Variants in IL12RB1 observed in about 807,000 individuals in gnomAD.
The protein encoded by IL12RB1 is interleukin 12 receptor subunit beta 1, also known as interleukin-12 receptor subunit beta-1.
Under a neutral mutation model 94.4 loss-of-function variants are expected in IL12RB1, and 64 were observed. The observed-to-expected ratio is 0.68, with a 90% CI of 0.55 to 0.83. The LOEUF (loss-of-function observed/expected upper bound fraction) is 0.83, where lower values mean the gene tolerates loss of function less well. IL12RB1 is among the 40% of genes least tolerant of loss of function. The pLI is 0.00. For missense variants in IL12RB1, 814 were observed against 855.6 expected, an observed-to-expected ratio of 0.95 and a Z score of 0.61; for synonymous variants, 362 against 355.5, an observed-to-expected ratio of 1.02 and a Z score of -0.21.
At position 18,060,089 on chromosome 19, in the gene IL12RB1, C is replaced by T; in HGVS notation, c.1792-4G>A. On this transcript the variant is annotated splice_polypyrimidine_tract_variant and splice_region_variant and intron_variant, in intron 15 of 16. Coordinates refer to ENST00000593993, the MANE Select transcript of IL12RB1 (RefSeq NM_005535.3). Reference sequence around the variant, plus strand: ...CTGGGTTGATCCACTGCCAAGTCTGCAGAGGGAGGGTAGGGCCACAGCTGT... The same window carrying T: ...CTGGGTTGATCCACTGCCAAGTCTGTAGAGGGAGGGTAGGGCCACAGCTGT... The T allele has an allele frequency of 6.4e-7, 1 of 1,566,896 alleles. No homozygotes were observed. The highest frequency in any genetic ancestry group is 2.2e-5 in the East Asian group (1 of 44,560).
rs1467234937 is a variant in IL12RB1, at chr19:18,080,212, C to T, written c.409+620G>A. 3.3e-5 allele frequency among the ~76,000 whole-genome samples: 5 copies of T among 151,966 alleles called. No homozygotes were observed. The East Asian group carries it at 7.8e-4, about 24-fold the overall frequency. ...CTGGGATTGCAGGCATGCACCACCACACCAGGCAAATTTTTTTGGCTTTTT... is the reference window on the plus strand; with the variant it reads ...CTGGGATTGCAGGCATGCACCACCATACCAGGCAAATTTTTTTGGCTTTTT... On this transcript the variant is annotated intron_variant, in intron 4 of 16. Transcript: ENST00000593993.
intron 6 of IL12RB1, among the ~76,000 whole-genome samples, chr19:18,076,092 G>T (rs957139961): frequency 6.6e-6 from 1 of 152,058 alleles, no homozygotes; most frequent in African/African-American, 2.4e-5. Context: ...CCATCCCTTC[G>T]GTCGTGACCT....
rs1320664422 is a variant in IL12RB1, at chr19:18,059,987, C to T, written c.1890G>A (p.Glu630=). ...CAGGTAGCTCTGTCTTCTCGAGAGG[C>T]TCAGTCCTCTCGCCTTTGTCCCAGG... ...EMSWDKGERT[E]PLEKTELPEG... The change falls in exon 16 of 17, where the codon GAG becomes GAA. Residue 630 remains glutamate, a synonymous_variant. Coordinates refer to ENST00000593993, the MANE Select transcript of IL12RB1 (RefSeq NM_005535.3). The T allele has an allele frequency of 1.1e-5, 17 of 1,593,350 alleles. No individual in the cohort carries two copies. The highest frequency in any genetic ancestry group is 1.4e-5 in the Non-Finnish European group (16 of 1,164,662).
rs778409675 is a variant in IL12RB1 at position 18,080,934 on chromosome 19, C to G, written c.307G>C (p.Ala103Pro). The G allele has an allele frequency of 6.2e-7, 1 of 1,613,986 alleles. No homozygotes were observed. The highest frequency in any genetic ancestry group is 1.1e-5 in the South Asian group (1 of 91,070). ...ACAGTGTACAGCACAGACACCCCAG[C>G]CTGGTCGGAGAACTGCAGCCTGGTG... ...SATRLQFSDQ[A>P]GVSVLYTVTL... The change falls in exon 4 of 17, where the codon GCT (alanine) becomes CCT (proline). Residue 103 changes from alanine to proline, a missense_variant. Transcript: ENST00000593993.
chr19:18,059,319 T>G lies in IL12RB1; in HGVS notation c.*289A>C, dbSNP rs1476328574. On this transcript the variant is annotated 3_prime_UTR_variant, in exon 17 of 17. Coordinates refer to ENST00000593993, the MANE Select transcript of IL12RB1 (RefSeq NM_005535.3). ...GGATGCCCAGCCCAGGGTCCAGGGA[T>G]CCATCTGAGCCCCCCTTGCCCCCAT... 1.8e-6 allele frequency: 1 copy of G among 541,400 alleles called. No homozygotes were observed. Among genetic ancestry groups the G allele is most frequent in the Non-Finnish European group, 3.3e-6 (1 of 299,204 alleles). The allele number at this position is 541,400 out of a possible 1,614,324, so 33.5% of individuals were successfully genotyped here.
At chr19:18,093,984 A>G (rs2036763618) in intron 1 of IL12RB1, among the ~76,000 whole-genome samples, 1 of 152,218 alleles carries the variant, frequency 6.6e-6, no homozygotes, top group South Asian at 2.1e-4. Context: ...GTGTTGAAGG[A>G]TGCATAGGAG....
chr19:18,077,487 TCCACCCTGG>T lies in IL12RB1; in HGVS notation c.549+20_549+28del, dbSNP rs1409473843. ...TGAAGGTGCCCTGGAGAGGCCCGTGTCCACCCTGGACTTGGGAAACAAACTCACCAACTT... is the reference window on the plus strand; with the variant it reads ...TGAAGGTGCCCTGGAGAGGCCCGTGTACTTGGGAAACAAACTCACCAACTT... On this transcript the variant is annotated intron_variant, in intron 5 of 16. Transcript: ENST00000593993. 1 of 1,585,206 alleles carries T rather than the reference TCCACCCTGG, an allele frequency of 6.3e-7. No individual in the cohort carries two copies. Among genetic ancestry groups the T allele is most frequent in the Non-Finnish European group, 8.6e-7 (1 of 1,160,960 alleles).
chr19:18,065,456 G>A (rs1205352671), intron 12 of IL12RB1, among the ~76,000 whole-genome samples: 1 of 152,132 alleles, frequency 6.6e-6, no homozygotes. Context: ...TCAGCTGGGT[G>A]CTCATGACTA....
intron 4 of IL12RB1, among the ~76,000 whole-genome samples, chr19:18,078,981 A>T (rs1223601461): frequency 6.6e-6 from 1 of 152,138 alleles, no homozygotes; most frequent in Non-Finnish European, 1.5e-5. Context: ...CAGGAGGATC[A>T]TTTGAGCCCA....
At position 18,069,621 on chromosome 19, in the gene IL12RB1, G is replaced by GC. The variant is rs2034867152; in HGVS notation, c.1113dup (p.Gln372AlafsTer87). On this transcript the variant is annotated frameshift_variant, in exon 10 of 17. Coordinates refer to ENST00000593993, the MANE Select transcript of IL12RB1 (RefSeq NM_005535.3). LOFTEE classifies it high-confidence loss of function. ...AGGCCCCCGTCCTGGCCCACAGGCT[G>GC]CCATTCAATGCAATACGTCATGCTC... The GC allele has an allele frequency of 6.2e-7, 1 of 1,613,178 alleles. No homozygotes were observed. The highest frequency in any genetic ancestry group is 1.3e-5 in the African/African-American group (1 of 74,934).
At chr19:18,089,927 G>C (rs554814396), upstream of IL12RB1, among the ~76,000 whole-genome samples, 2 of 152,186 alleles carry the variant, frequency 1.3e-5, no homozygotes, top group Non-Finnish European at 2.9e-5. Context: ...GCCTGGCACA[G>C]TGGGGACGGG....
At chr19:18,095,992 T>C (rs2036882073) in intron 1 of IL12RB1, among the ~76,000 whole-genome samples, 2 of 151,964 alleles carry the variant, frequency 1.3e-5, no homozygotes, top group African/African-American at 2.4e-5. Flanking sequence ...GGGAGGCTGA[T>C]GCAGGAGCAT....
At chr19:18,069,852 GT>G in intron 9 of IL12RB1, 139 bp from the exon 10 acceptor site, 1 of 680,072 alleles carries the variant, frequency 1.5e-6, no homozygotes, top group Non-Finnish European at 2.6e-6. Flanking sequence ...GTGTTTGGCT[GT>G]TTCCCTGCAC....
rs1408288599 is a variant in IL12RB1, at chr19:18,068,394, C to T, written c.1322G>A (p.Gly441Asp). The T allele has an allele frequency of 5.0e-6, 8 of 1,609,450 alleles. No individual in the cohort carries two copies. The highest frequency in any genetic ancestry group is 6.8e-6 in the Non-Finnish European group (8 of 1,177,790). Residue 441 changes from glycine (G) to aspartate (D), a missense_variant, in exon 11 of 17, where the codon GGC (glycine) becomes GAC (aspartate). By Grantham distance (94) the Gly-to-Asp change is moderately conservative (BLOSUM62 -1). Coordinates refer to ENST00000593993, the MANE Select transcript of IL12RB1 (RefSeq NM_005535.3). ...STVLSTYHFG[G>D]NASAAGTPHH... ...TGCAGGTTTGGGTCACTTACCATTG[C>T]CCCCAAAGTGGTAGGTGGACAGGAC...
At chr19:18,087,647 C>G (rs963950171), upstream of IL12RB1, among the ~76,000 whole-genome samples, 1 of 151,874 alleles carries the variant, frequency 6.6e-6, no homozygotes, top group Non-Finnish European at 1.5e-5. Flanking sequence ...TCCCCAGGAA[C>G]TGGGACTACA....
chr19:18,083,132 G>C (rs892582579), intron 2 of IL12RB1: 6 of 550,066 alleles, frequency 1.1e-5, no homozygotes, highest in Non-Finnish European at 2.0e-5. Flanking sequence ...AGGTTGGGGG[G>C]GGGGCTTCAA....
At position 18,061,204 on chromosome 19, in the gene IL12RB1, A is replaced by G. The variant is rs897731717; in HGVS notation, c.1716-7T>C. ...GCACAGGTGCCGTGCGGCCCTGGGG[A>G]GGAAAGGGGACCAGTGAGAGGAGCT... On this transcript the variant is annotated splice_region_variant and splice_polypyrimidine_tract_variant and intron_variant, in intron 14 of 16. Coordinates refer to ENST00000593993, the MANE Select transcript of IL12RB1 (RefSeq NM_005535.3). 6.8e-7 allele frequency: 1 copy of G among 1,478,886 alleles called. No homozygotes were observed. The highest frequency in any genetic ancestry group is 9.2e-7 in the Non-Finnish European group (1 of 1,084,458). The allele number at this position is 1,478,886 out of a possible 1,614,324, so 91.6% of individuals were successfully genotyped here. A position where few individuals can be genotyped will look rare whatever the true frequency, so the allele number is the denominator to read the frequency against.
rs1296590972 is a variant in IL12RB1, at chr19:18,061,122, C to T, written c.1791G>A (p.Glu597=). The change falls in exon 15 of 17, where the codon GAG becomes GAA. Residue 597 remains glutamate (E), a splice_region_variant and synonymous_variant. Transcript: ENST00000593993. The stretch of plus-strand genomic sequence containing the variant: ...TTGGAATTAGAAAAGGCATCCTTAC[C>T]TCCTTCCCTCCAGGGAACTCAATGG... The part of the protein sequence containing the change: ...SSAIEFPGGK[E]TWQWINPVDF... 1 of 1,555,824 alleles carries T rather than the reference C, an allele frequency of 6.4e-7. No homozygotes were observed. The highest frequency in any genetic ancestry group is 8.8e-7 in the Non-Finnish European group (1 of 1,131,410).
At chr19:18,061,663 C>G (rs1036830161) in intron 14 of IL12RB1, among the ~76,000 whole-genome samples, 4 of 152,026 alleles carry the variant, frequency 2.6e-5, no homozygotes, top group African/African-American at 9.7e-5. Context: ...GAGTTCAAGA[C>G]CAGCCTGGCC....
Sources: gnomAD v4.1 joint callset for allele counts (sites outside exome capture counted in the v4.1 genomes callset) on GRCh38, gnomAD v4.1.1 for gene constraint, MANE v1.5 for transcripts, NCBI Gene and HGNC (gene_info 2026-07-23, HGNC 2026-07-21) for gene names.